PRKCE: variants seen among roughly 807,000 people sequenced by gnomAD.
The protein encoded by PRKCE is protein kinase C epsilon.
Under a neutral mutation model 85.4 loss-of-function variants are expected in PRKCE, and 16 were observed. That is an observed-to-expected ratio of 0.19 (90% confidence interval 0.13 to 0.28). The LOEUF (loss-of-function observed/expected upper bound fraction) is 0.28, where lower values mean the gene tolerates loss of function less well. Ranked by LOEUF, PRKCE falls within the 10% of genes least tolerant of loss-of-function variation. PRKCE has a pLI of 1.00. For missense variants in PRKCE, 573 were observed against 975.2 expected (o/e 0.59, Z 5.49); for synonymous variants, 388 against 371.5 (o/e 1.04, Z -0.51).
chr2:45,711,235 C>G (rs1241496280), intron 1 of PRKCE, among the ~76,000 whole-genome samples: 3 of 152,232 alleles, frequency 2.0e-5, no homozygotes, highest in East Asian at 3.9e-4. Flanking sequence ...GAGTGCCTAC[C>G]TCACAGAATT....
chr2:45,990,465 G>A lies in PRKCE; in HGVS notation c.823+5785G>A, dbSNP rs550027895. Among the ~76,000 whole-genome samples the A allele has an allele frequency of 3.9e-5, 6 of 152,294 alleles. No homozygotes were observed. In the East Asian group the frequency reaches 1.2e-3, roughly 29 times the overall value. On this transcript the variant is annotated intron_variant, in intron 6 of 14. Transcript: ENST00000306156. ...ATGAGGCAGGGGCAATCAGGAGGCAGCTTAGGGGCTGCCTGGCACACCTGC... is the reference window on the plus strand; with the variant it reads ...ATGAGGCAGGGGCAATCAGGAGGCAACTTAGGGGCTGCCTGGCACACCTGC...
At chr2:45,751,035 C>T (rs961198770) in intron 1 of PRKCE, among the ~76,000 whole-genome samples, 1 of 152,170 alleles carries the variant, frequency 6.6e-6, no homozygotes, top group Admixed American at 6.5e-5. Flanking sequence ...CCATCCTATT[C>T]CCCAGGAACC....
intron 1 of PRKCE, among the ~76,000 whole-genome samples, chr2:45,717,851 A>T (rs1264997196): frequency 1.3e-5 from 2 of 152,288 alleles, no homozygotes; most frequent in East Asian, 3.9e-4. Context: ...GGGGTAGAGG[A>T]TGCTCCAGTA....
intron 1 of PRKCE, among the ~76,000 whole-genome samples, chr2:45,717,357 CT>C (rs779053625): frequency 6.6e-6 from 1 of 152,196 alleles, no homozygotes; most frequent in Non-Finnish European, 1.5e-5. Context: ...TTCTTACCCC[CT>C]CTCTCTCAAT....
At chr2:46,120,858 T>G (rs767942229) in intron 11 of PRKCE, among the ~76,000 whole-genome samples, 1 of 152,224 alleles carries the variant, frequency 6.6e-6, no homozygotes, top group East Asian at 1.9e-4. Context: ...CTATCCATAC[T>G]GTAAAAACTA....
chr2:45,791,174 G>T (rs145681858), intron 1 of PRKCE, among the ~76,000 whole-genome samples: 28 of 152,308 alleles, frequency 1.8e-4, no homozygotes, highest in Admixed American at 3.9e-4. Context: ...GATAGTTTCT[G>T]TGCCCTGCTG....
chr2:45,927,717 T>G (rs1001824165), intron 2 of PRKCE, among the ~76,000 whole-genome samples: 1 of 152,246 alleles, frequency 6.6e-6, no homozygotes, highest in Non-Finnish European at 1.5e-5. Flanking sequence ...TACTCTCTCC[T>G]GCAGTGGATT....
intron 10 of PRKCE, among the ~76,000 whole-genome samples, chr2:46,083,266 A>C (rs935998362): frequency 5.9e-5 from 9 of 152,010 alleles, no homozygotes; most frequent in Non-Finnish European, 8.8e-5. Flanking sequence ...TCATTTTTAC[A>C]GATCAGAAAA....
At chr2:45,686,837 A>G (rs937983263) in intron 1 of PRKCE, among the ~76,000 whole-genome samples, 3 of 152,228 alleles carry the variant, frequency 2.0e-5, no homozygotes, top group Non-Finnish European at 4.4e-5. Context: ...ATATAGAATG[A>G]AAATTTGTCT....
chr2:45,820,174 C>A (rs1313343280), intron 1 of PRKCE, among the ~76,000 whole-genome samples: 1 of 152,204 alleles, frequency 6.6e-6, no homozygotes, highest in African/African-American at 2.4e-5. Context: ...GGTGTTACAT[C>A]ATTCAACCAA....
rs529727845 is a variant in PRKCE, at chr2:45,945,506, C to T, written c.413-30923C>T. Among the ~76,000 whole-genome samples, 112 of 152,290 alleles carry T rather than the reference C, an allele frequency of 7.4e-4. 3 individuals carry two copies. Among genetic ancestry groups the T allele is most frequent in the Middle Eastern group, 3.4e-3 (1 of 294 alleles). On this transcript the variant is annotated intron_variant, in intron 2 of 14. Transcript: ENST00000306156. ...AACACCTCCCACCAGGTCCCACCTC[C>T]AACATTGGGGATTACACTTCAACAT...
intron 10 of PRKCE, among the ~76,000 whole-genome samples, chr2:46,024,236 C>G (rs1370884875): frequency 2.0e-5 from 3 of 152,048 alleles, no homozygotes; most frequent in Non-Finnish European, 1.5e-5. Flanking sequence ...GGTGGTATTC[C>G]AGGCAATCTG....
At chr2:45,914,012 C>A (rs1240571490) in intron 2 of PRKCE, among the ~76,000 whole-genome samples, 3 of 152,190 alleles carry the variant, frequency 2.0e-5, no homozygotes. Flanking sequence ...CTTAATGGAG[C>A]CTAGTACTTT....
Position 45,883,121 on chromosome 2 carries a change from C to T in PRKCE, c.412+40058C>T, listed in dbSNP as rs554231138. 3.3e-3 allele frequency among the ~76,000 whole-genome samples: 509 copies of T among 152,350 alleles called. 3 individuals carry two copies. Among genetic ancestry groups the T allele is most frequent in the African/African-American group, 0.011 (450 of 41,588 alleles). On this transcript the variant is annotated intron_variant, in intron 2 of 14. Transcript: ENST00000306156. ...TTGTAGTACTTCTTTGAGGTACTGA[C>T]TCTCATTCCTGCAGCCAGCCATTCT...
At chr2:45,980,487 C>G in intron 5 of PRKCE, 106 bp downstream of exon 5, 2 of 1,034,548 alleles carry the variant, frequency 1.9e-6, no homozygotes, top group South Asian at 1.4e-5. Flanking sequence ...GAGACCCTGT[C>G]ATTTCATTGT....
intron 2 of PRKCE, among the ~76,000 whole-genome samples, chr2:45,951,806 G>T (rs1318645243): frequency 6.6e-6 from 1 of 152,218 alleles, no homozygotes; most frequent in African/African-American, 2.4e-5. Context: ...AAACTCAGTT[G>T]ATCCAGACTC....
intron 10 of PRKCE, among the ~76,000 whole-genome samples, chr2:46,036,281 G>C (rs1381642669): frequency 6.6e-6 from 1 of 152,160 alleles, no homozygotes. Flanking sequence ...TTCTAGAAAA[G>C]AAAGAATAAC....
At position 45,890,411 on chromosome 2, in the gene PRKCE, A is replaced by G. The variant is rs1055755572; in HGVS notation, c.412+47348A>G. ...TTTTGTGTGTGTGAGACAGAGTCTCACTCTGTCTCCCAGACTGGATTGCGG... is the reference window on the plus strand; with the variant it reads ...TTTTGTGTGTGTGAGACAGAGTCTCGCTCTGTCTCCCAGACTGGATTGCGG... On this transcript the variant is annotated intron_variant, in intron 2 of 14. Transcript: ENST00000306156. 6.6e-5 allele frequency among the ~76,000 whole-genome samples: 10 copies of G among 151,550 alleles called. 1 individual carries two copies. The highest frequency in any genetic ancestry group is 4.6e-4 in the Admixed American group (7 of 15,234).
chr2:45,938,034 A>G (rs1348347431), intron 2 of PRKCE, among the ~76,000 whole-genome samples: 1 of 152,196 alleles, frequency 6.6e-6, no homozygotes, highest in Non-Finnish European at 1.5e-5. Context: ...AATGTCACTC[A>G]GAGGGTCCCG....
Sources: gnomAD v4.1 joint callset for allele counts (sites outside exome capture counted in the v4.1 genomes callset) on GRCh38, gnomAD v4.1.1 for gene constraint, MANE v1.5 for transcripts, NCBI Gene and HGNC (gene_info 2026-07-23, HGNC 2026-07-21) for gene names.